Variants in MYCBPAP observed in about 807,000 individuals in gnomAD.
The protein encoded by MYCBPAP is MYCBP-associated protein.
MYCBPAP carries 60 observed loss-of-function variants against 106.1 expected under a neutral mutation model. That is an observed-to-expected ratio of 0.57 (90% CI 0.46 to 0.70). MYCBPAP has a LOEUF of 0.70. MYCBPAP is among the 30% of genes least tolerant of loss of function. The pLI is 0.00. For synonymous variants in MYCBPAP, 407 were observed against 440.6 expected (o/e 0.92, Z 0.95); for missense variants, 1,064 against 1,169.3 (o/e 0.91, Z 1.31).
At chr17:50,526,591 ATT>A (rs11313067) in intron 14 of MYCBPAP, among the ~76,000 whole-genome samples, 15 of 149,270 alleles carry the variant, frequency 1.0e-4, no homozygotes, top group African/African-American at 2.2e-4. Context: ...CACCTGGCTA[ATT>A]TTTTTTTTTG....
In MYCBPAP at chr17:50,518,550, C is replaced by T. The variant is rs375852549; in HGVS notation, c.478C>T (p.Arg160Trp). ...LARGNTQLAERIPTSPCLMTL... is the reference protein window; with the variant it reads ...LARGNTQLAEWIPTSPCLMTL... ...ATGTTGTACTTTTCAGCTGGCTGAG[C>T]GGATACCTACCTCACCCTGTCTGAT... Residue 160 changes from arginine (R) to tryptophan (W), a missense_variant, in exon 5 of 19, where the codon CGG (arginine) becomes TGG (tryptophan). Transcript: ENST00000323776. The T allele has an allele frequency of 3.2e-6, 5 of 1,575,968 alleles. No individual in the cohort carries two copies. The highest frequency in any genetic ancestry group is 3.4e-6 in the Non-Finnish European group (4 of 1,165,486).
chr17:50,528,062 C>A (rs2034517170), intron 15 of MYCBPAP, 93 bp from the exon 16 acceptor site: 1 of 1,012,844 alleles, frequency 9.9e-7, no homozygotes. Context: ...CAGCTCGTGG[C>A]ACCAGGGTCT....
chr17:50,531,366 G>A lies in MYCBPAP; in HGVS notation c.2764G>A (p.Val922Ile), dbSNP rs1299146446. Residue 922 changes from valine (V) to isoleucine (I), a missense_variant, in exon 19 of 19, where the codon GTC (valine) becomes ATC (isoleucine). Val to Ile is a conservative substitution (Grantham distance 29). Coordinates refer to ENST00000323776, the MANE Select transcript of MYCBPAP (RefSeq NM_032133.6). ...GGACACCCTGGTGACTGACCTGATG[G>A]TCCTGGCTGATGAGCTCAGCCCCAT... is the stretch of plus-strand genomic sequence containing the variant. Reference protein sequence around the residue: ...LLDTLVTDLMVLADELSPIKN... With the variant: ...LLDTLVTDLMILADELSPIKN... 1 of 1,613,354 alleles carries A rather than the reference G, an allele frequency of 6.2e-7. No homozygotes were observed. The highest frequency in any genetic ancestry group is 8.5e-7 in the Non-Finnish European group (1 of 1,179,834).
chr17:50,529,202 C>G lies in MYCBPAP; in HGVS notation c.2724+14C>G, dbSNP rs772042725. 1 of 1,603,666 alleles carries G rather than the reference C, an allele frequency of 6.2e-7. No individual in the cohort carries two copies. Among genetic ancestry groups the G allele is most frequent in the Non-Finnish European group, 8.5e-7 (1 of 1,176,276 alleles). On this transcript the variant is annotated intron_variant, in intron 18 of 18. Coordinates refer to ENST00000323776, the MANE Select transcript of MYCBPAP (RefSeq NM_032133.6). Reference sequence around the variant, plus strand: ...CTGCACAGTGAGGTGAAGGGAAGCGCCCAGCAGCCATTCCCCTGCCTCCCA... The same window carrying G: ...CTGCACAGTGAGGTGAAGGGAAGCGGCCAGCAGCCATTCCCCTGCCTCCCA...
intron 1 of MYCBPAP, among the ~76,000 whole-genome samples, chr17:50,515,231 G>A (rs980546215): frequency 5.4e-5 from 8 of 147,620 alleles, no homozygotes; most frequent in African/African-American, 1.3e-4. Context: ...CACGCCCGCC[G>A]ACTCAGGGCT....
chr17:50,519,162 C>G, intron 6 of MYCBPAP, 73 bp downstream of exon 6: 1 of 1,077,506 alleles, frequency 9.3e-7, no homozygotes, highest in Non-Finnish European at 1.4e-6. Flanking sequence ...GGTGTCTGGA[C>G]ACAGGGATGC....
intron 7 of MYCBPAP, among the ~76,000 whole-genome samples, chr17:50,520,378 G>A (rs535551721): frequency 3.3e-5 from 5 of 152,176 alleles, no homozygotes; most frequent in East Asian, 1.9e-4. Flanking sequence ...GGTGGTGCGC[G>A]CCTAGAATCC....
upstream of MYCBPAP, among the ~76,000 whole-genome samples, chr17:50,508,138 C>T (rs915390644): frequency 7.1e-5 from 7 of 99,210 alleles, no homozygotes; most frequent in African/African-American, 5.3e-4. Context: ...CCTGAAAGGC[C>T]CGATCCCCCC....
intron 6 of MYCBPAP, 126 bp from the exon 7 acceptor site, chr17:50,519,514 A>G (rs1452809657): frequency 9.6e-5 from 111 of 1,157,360 alleles, no homozygotes; most frequent in Non-Finnish European, 1.3e-4. Context: ...TTATGCAATC[A>G]CGGCAGCAAT....
intron 1 of MYCBPAP, chr17:50,510,296 C>T (rs1479348194): frequency 2.0e-5 from 3 of 151,620 alleles, no homozygotes; most frequent in Non-Finnish European, 4.4e-5. Flanking sequence ...GAGGCTGTGG[C>T]AGGAGGATTG....
In MYCBPAP at chr17:50,508,459, C is replaced by G. The variant is rs1010648134; in HGVS notation, c.-216C>G. ...CCCGCAGGGCTTTCTAGGGGTCCGT[C>G]GCTCTTGAAGCCGCCGGCGGCGGGC... On this transcript the variant is annotated 5_prime_UTR_variant, in exon 1 of 19. Coordinates refer to ENST00000323776, the MANE Select transcript of MYCBPAP (RefSeq NM_032133.6). 40 of 1,337,382 alleles carry G rather than the reference C, an allele frequency of 3.0e-5. No individual in the cohort carries two copies. Among genetic ancestry groups the G allele is most frequent in the Non-Finnish European group, 3.9e-5 (39 of 987,510 alleles). 82.8% of individuals were successfully genotyped at this position (1,337,382 alleles called of 1,614,324 possible). A position where few individuals can be genotyped will look rare whatever the true frequency, so the allele number is the denominator to read the frequency against.
At chr17:50,515,864 G>A (rs2034030135) in intron 1 of MYCBPAP, 1 of 152,214 alleles carries the variant, frequency 6.6e-6, no homozygotes, top group South Asian at 2.1e-4. Context: ...TACAGATGGA[G>A]TCTCAACTAT....
At position 50,518,673 on chromosome 17, in the gene MYCBPAP, A is replaced by T; in HGVS notation, c.601A>T (p.Asn201Tyr). ...ACCTCCTCAGCACAACTTTCTGAAA[A>T]ACTGGCAGCGTAACACAGCCCTGCG... ...APPPQHNFLK[N>Y]WQRNTALRKK... Residue 201 changes from asparagine (N) to tyrosine (Y), a missense_variant, in exon 5 of 19, where the codon AAC (asparagine) becomes TAC (tyrosine). Physicochemically the swap from Asn to Tyr is moderately radical, Grantham distance 143. Transcript: ENST00000323776. 1.2e-6 allele frequency: 2 copies of T among 1,606,616 alleles called. No individual in the cohort carries two copies. The highest frequency in any genetic ancestry group is 1.7e-6 in the Non-Finnish European group (2 of 1,177,562).
rs1159967204 is a variant in MYCBPAP at position 50,526,162 on chromosome 17, G to T, written c.2064G>T (p.Glu688Asp). Reference sequence around the variant, plus strand: ...CTCAGCGGAAGAGCATCATGGAGGAGATCCTGGTGGAGGAAAGCCCAGATG... The same window carrying T: ...CTCAGCGGAAGAGCATCATGGAGGATATCCTGGTGGAGGAAAGCCCAGATG... ...KSPQRKSIME[E>D]ILVEESPDVD... The change falls in exon 14 of 19, where the codon GAG becomes GAT. Residue 688 changes from glutamate to aspartate, a missense_variant. By Grantham distance (45) the Glu-to-Asp change is conservative (BLOSUM62 2). Transcript: ENST00000323776. 14 of 1,613,602 alleles carry T rather than the reference G, an allele frequency of 8.7e-6. No individual in the cohort carries two copies. Among genetic ancestry groups the T allele is most frequent in the Non-Finnish European group, 1.2e-5 (14 of 1,179,948 alleles).
At chr17:50,525,235 T>C (rs1043391221) in intron 13 of MYCBPAP, 1 of 502,810 alleles carries the variant, frequency 2.0e-6, no homozygotes, top group Non-Finnish European at 3.4e-6. Context: ...TGTACACTCC[T>C]TATGAGAATC....
At position 50,531,449 on chromosome 17, in the gene MYCBPAP, T is replaced by A; in HGVS notation, c.*21T>A. ...GGTGACTCTCGGGCCCAAGCAACCT[T>A]CTGGAAAACGGGTTAATAAATAAAT... On this transcript the variant is annotated 3_prime_UTR_variant, in exon 19 of 19. Transcript: ENST00000323776. The A allele has an allele frequency of 6.4e-7, 1 of 1,557,818 alleles. No individual in the cohort carries two copies. The highest frequency in any genetic ancestry group is 8.7e-7 in the Non-Finnish European group (1 of 1,145,074).
intron 12 of MYCBPAP, among the ~76,000 whole-genome samples, chr17:50,524,144 G>A (rs1472453992): frequency 6.6e-6 from 1 of 152,192 alleles, no homozygotes; most frequent in African/African-American, 2.4e-5. Context: ...GCATTTAAGC[G>A]ACAAGACTTC....
At chr17:50,516,269 C>G (rs2034046915) in intron 1 of MYCBPAP, among the ~76,000 whole-genome samples, 1 of 152,226 alleles carries the variant, frequency 6.6e-6, no homozygotes, top group East Asian at 1.9e-4. Flanking sequence ...GGATTACAGG[C>G]ATGAGCCACC....
rs948196380 is a variant in MYCBPAP at position 50,526,204 on chromosome 17, C to A, written c.2106C>A (p.Ser702Arg). The stretch of plus-strand genomic sequence containing the variant: ...GCCCAGATGTGGACAGCACCAAGAG[C>A]CCCTGGGAGCCGGATGGCCTTCCCC... ...EESPDVDSTK[S>R]PWEPDGLPLL... The change falls in exon 14 of 19, where the codon AGC (serine) becomes AGA (arginine). Residue 702 changes from serine (S) to arginine (R), a missense_variant. Physicochemically the swap from Ser to Arg is moderately radical, Grantham distance 110 (BLOSUM62 -1). Coordinates refer to ENST00000323776, the MANE Select transcript of MYCBPAP (RefSeq NM_032133.6). 2 of 1,613,240 alleles carry A rather than the reference C, an allele frequency of 1.2e-6. No individual in the cohort carries two copies. Among genetic ancestry groups the A allele is most frequent in the African/African-American group, 2.7e-5 (2 of 75,016 alleles).
Sources: allele counts gnomAD v4.1 joint callset (sites outside exome capture counted in the v4.1 genomes callset), GRCh38; gene constraint gnomAD v4.1.1; transcripts MANE v1.5; gene names NCBI Gene and HGNC (gene_info 2026-07-23, HGNC 2026-07-21).